Variants in LAMA4 observed in about 807,000 individuals in gnomAD.
LAMA4 encodes the protein laminin subunit alpha 4, also known as laminin subunit alpha-4.
LAMA4 carries 127 observed loss-of-function variants against 207.1 expected under a neutral mutation model. The observed-to-expected ratio is 0.61, with a 90% CI of 0.53 to 0.71. The LOEUF (loss-of-function observed/expected upper bound fraction) is 0.71. Ranked by LOEUF, LAMA4 falls within the 30% of genes least tolerant of loss-of-function variation. The pLI, the probability that LAMA4 is intolerant of heterozygous loss-of-function variation, is 0.00. For missense variants in LAMA4, 2,093 were observed against 2,246.5 expected, an observed-to-expected ratio of 0.93 and a Z score of 1.38; for synonymous variants, 761 against 816.0, an observed-to-expected ratio of 0.93 and a Z score of 1.15.
chr6:112,130,859 T>G (rs1778994561), intron 29 of LAMA4, 109 bp downstream of exon 29: 1 of 1,197,152 alleles, frequency 8.4e-7, no homozygotes, highest in Admixed American at 1.7e-5. Flanking sequence ...AGCATTTTTG[T>G]TTTAACATTA....
At chr6:112,223,242 T>C (rs547365883) in intron 2 of LAMA4, among the ~76,000 whole-genome samples, 1 of 152,214 alleles carries the variant, frequency 6.6e-6, no homozygotes, top group Admixed American at 6.5e-5. Context: ...GCAAATGCCT[T>C]GGACACATTT....
intron 2 of LAMA4, among the ~76,000 whole-genome samples, chr6:112,226,603 C>T (rs1785228051): frequency 6.6e-6 from 1 of 152,194 alleles, no homozygotes; most frequent in Admixed American, 6.5e-5. Flanking sequence ...ACTGTGAACT[C>T]CTTCAGAACA....
chr6:112,156,757 G>A (rs1023462936), intron 14 of LAMA4, among the ~76,000 whole-genome samples: 4 of 152,074 alleles, frequency 2.6e-5, no homozygotes, highest in African/African-American at 9.7e-5. Context: ...GACCTGTTGA[G>A]CTCGGTAATT....
intron 2 of LAMA4, among the ~76,000 whole-genome samples, chr6:112,226,176 G>A (rs781945148): frequency 1.8e-4 from 27 of 152,122 alleles, no homozygotes; most frequent in Non-Finnish European, 2.9e-4. Flanking sequence ...CTTCCTTCCA[G>A]TTCATTCTTC....
At chr6:112,171,068 A>G (rs1781680158) in intron 12 of LAMA4, among the ~76,000 whole-genome samples, 1 of 152,228 alleles carries the variant, frequency 6.6e-6, no homozygotes, top group Non-Finnish European at 1.5e-5. Flanking sequence ...TCCACAGGAT[A>G]GTGTCTTTCA....
In LAMA4 at chr6:112,201,738, G is replaced by T. The variant is rs199637502; in HGVS notation, c.423-50C>A. On this transcript the variant is annotated intron_variant, in intron 4 of 38. Transcript: ENST00000230538. ...AGTCAATTCCATACATCACCAAAGA[G>T]ACTGTCTTAACTTTTTATCAGATTA... 2.1e-5 allele frequency: 31 copies of T among 1,466,248 alleles called. No homozygotes were observed. The East Asian group carries it at 6.3e-4, about 30-fold the overall frequency. The allele number at this position is 1,466,248 out of a possible 1,614,324, so 90.8% of individuals were successfully genotyped here. A position where few individuals can be genotyped will look rare whatever the true frequency, so the allele number is the denominator to read the frequency against.
At chr6:112,237,853 C>T (rs781819378) in intron 2 of LAMA4, among the ~76,000 whole-genome samples, 4 of 152,212 alleles carry the variant, frequency 2.6e-5, no homozygotes, top group Admixed American at 6.5e-5. Flanking sequence ...TACCAATGCA[C>T]GACATGGGTT....
chr6:112,166,744 TAA>T (rs1554340071), intron 12 of LAMA4, among the ~76,000 whole-genome samples: 1 of 152,166 alleles, frequency 6.6e-6, no homozygotes, highest in African/African-American at 2.4e-5. Flanking sequence ...TTGAAACAAA[TAA>T]AGATATTTCC....
At chr6:112,154,341 T>C (rs1232231181) in intron 16 of LAMA4, among the ~76,000 whole-genome samples, 1 of 131,592 alleles carries the variant, frequency 7.6e-6, no homozygotes, top group Non-Finnish European at 1.6e-5. Flanking sequence ...CAGTAACCTA[T>C]GTAGAACACA....
chr6:112,168,345 C>CTTTTTTTTT (rs34395210), intron 12 of LAMA4, among the ~76,000 whole-genome samples: 2 of 129,322 alleles, frequency 1.5e-5, no homozygotes, highest in Non-Finnish European at 1.6e-5. Flanking sequence ...AGCTAGTGTT[C>CTTTTTTTTT]TTTTTTTTTT....
At chr6:112,247,124 A>G (rs1206786147) in intron 2 of LAMA4, among the ~76,000 whole-genome samples, 6 of 152,210 alleles carry the variant, frequency 3.9e-5, no homozygotes, top group Non-Finnish European at 5.9e-5. Flanking sequence ...GAAAGGAAGG[A>G]GGGACAGACT....
chr6:112,141,051 A>G, intron 21 of LAMA4, 129 bp from the exon 22 acceptor site: 1 of 802,482 alleles, frequency 1.2e-6, no homozygotes, highest in South Asian at 1.5e-5. Flanking sequence ...TTTACAAAAT[A>G]CCACAATCAA....
chr6:112,242,405 A>G (rs1290569455), intron 2 of LAMA4, among the ~76,000 whole-genome samples: 1 of 152,208 alleles, frequency 6.6e-6, no homozygotes, highest in Non-Finnish European at 1.5e-5. Context: ...GTCTTCCTCC[A>G]TAATTATATC....
chr6:112,251,175 A>T (rs1348251989), intron 2 of LAMA4: 1 of 152,212 alleles, frequency 6.6e-6, no homozygotes, highest in Non-Finnish European at 1.5e-5. Flanking sequence ...AATACTTTGC[A>T]TCTGGGGGGA....
intron 7 of LAMA4, among the ~76,000 whole-genome samples, chr6:112,188,204 C>G (rs142668304): frequency 6.6e-6 from 1 of 152,122 alleles, no homozygotes. Flanking sequence ...CTTCTAGAGA[C>G]GTGATAAAGG....
intron 2 of LAMA4, among the ~76,000 whole-genome samples, chr6:112,224,344 CCTTT>C (rs1219665499): frequency 2.6e-5 from 4 of 152,200 alleles, no homozygotes; most frequent in African/African-American, 9.7e-5. Context: ...TCCTCCCTCC[CCTTT>C]ATTGTCTGCC....
intron 32 of LAMA4, among the ~76,000 whole-genome samples, chr6:112,121,579 T>C (rs1424872598): frequency 6.6e-6 from 1 of 152,234 alleles, no homozygotes; most frequent in Non-Finnish European, 1.5e-5. Context: ...GGGTTGGAGA[T>C]AGCTGGAGGG....
chr6:112,126,632 A>C (rs1370947604), intron 31 of LAMA4, among the ~76,000 whole-genome samples: 1 of 152,200 alleles, frequency 6.6e-6, no homozygotes, highest in Non-Finnish European at 1.5e-5. Context: ...AAATGTCAAG[A>C]TATAATGGTC....
chr6:112,152,154 C>T (rs892928316), intron 16 of LAMA4, among the ~76,000 whole-genome samples: 1 of 151,996 alleles, frequency 6.6e-6, no homozygotes, highest in Non-Finnish European at 1.5e-5. Context: ...CCAAGTTTTG[C>T]TGGCTTCATA....
Sources: allele counts gnomAD v4.1 joint callset (sites outside exome capture counted in the v4.1 genomes callset), GRCh38; gene constraint gnomAD v4.1.1; transcripts MANE v1.5; gene names NCBI Gene and HGNC (gene_info 2026-07-23, HGNC 2026-07-21).